Variants in ANHX observed in about 807,000 individuals in gnomAD.
ANHX encodes anomalous homeobox protein.
Under a neutral mutation model 38.9 loss-of-function variants are expected in ANHX, and 20 were observed. The ratio of observed to expected loss-of-function variants is 0.51; its 90% CI spans 0.36 to 0.75. The LOEUF is 0.75. ANHX is among the 30% of genes least tolerant of loss of function. ANHX has a pLI of 0.00. For synonymous variants in ANHX, 185 were observed against 203.1 expected (o/e 0.91, Z 0.76); for missense variants, 475 against 493.1 (o/e 0.96, Z 0.35).
At chr12:133,230,482 G>A (rs547949693) in intron 3 of ANHX, among the ~76,000 whole-genome samples, 138 of 152,222 alleles carry the variant, frequency 9.1e-4, no homozygotes, top group Non-Finnish European at 1.5e-3. Context: ...AATCTTTCAT[G>A]ACTTGGGCTG....
intron 7 of ANHX, among the ~76,000 whole-genome samples, chr12:133,224,945 T>C (rs567284513): frequency 1.7e-3 from 238 of 136,692 alleles, no homozygotes; most frequent in African/African-American, 6.4e-3. Flanking sequence ...CCAGCCTGGG[T>C]GAGCAAGACT....
chr12:133,224,762 A>C (rs146076658), intron 7 of ANHX, among the ~76,000 whole-genome samples: 37 of 150,018 alleles, frequency 2.5e-4, no homozygotes, highest in African/African-American at 8.1e-4. Context: ...TCAGGAGATC[A>C]AGACCATCCT....
chr12:133,227,595 C>T (rs1334571625), intron 4 of ANHX, among the ~76,000 whole-genome samples: 4 of 152,230 alleles, frequency 2.6e-5, no homozygotes, highest in South Asian at 2.1e-4. Flanking sequence ...AGTGAGCAGC[C>T]GTGGGGCCAC....
At chr12:133,224,792 C>A (rs372718310) in intron 7 of ANHX, among the ~76,000 whole-genome samples, 5 of 150,242 alleles carry the variant, frequency 3.3e-5, no homozygotes, top group Admixed American at 6.6e-5. Flanking sequence ...GGTGAAACCC[C>A]GTCTCTACTA....
intron 3 of ANHX, among the ~76,000 whole-genome samples, chr12:133,230,832 T>C (rs151137034): frequency 6.6e-6 from 1 of 152,120 alleles, no homozygotes; most frequent in Non-Finnish European, 1.5e-5. Context: ...CTCTCTCGTG[T>C]GGAACCTCAG....
chr12:133,226,830 G>C (rs1248699616), intron 5 of ANHX, 106 bp downstream of exon 5: 2 of 1,109,310 alleles, frequency 1.8e-6, no homozygotes, highest in Non-Finnish European at 2.5e-6. Flanking sequence ...GGAACCTACT[G>C]ATTGGAGGAG....
intron 2 of ANHX, among the ~76,000 whole-genome samples, chr12:133,232,569 C>T (rs541623188): frequency 2.1e-4 from 32 of 152,254 alleles, no homozygotes; most frequent in African/African-American, 7.5e-4. Flanking sequence ...GCAGGAACAC[C>T]CTGCACAGGC....
intron 9 of ANHX, 22 bp downstream of exon 9, chr12:133,219,261 A>G: frequency 6.6e-7 from 1 of 1,524,102 alleles, no homozygotes. Flanking sequence ...GGAATCCTTC[A>G]GTGCTCATAG....
chr12:133,233,981 G>T, intron 2 of ANHX, 127 bp downstream of exon 2: 1 of 1,243,726 alleles, frequency 8.0e-7, no homozygotes, highest in Non-Finnish European at 1.1e-6. Context: ...CCAAGGCCTG[G>T]GGGTGGGCCT....
At chr12:133,231,408 T>C in intron 3 of ANHX, 109 bp downstream of exon 3, 2 of 1,433,526 alleles carry the variant, frequency 1.4e-6, no homozygotes, top group South Asian at 1.3e-5. Flanking sequence ...ACATTTCCTG[T>C]CCCTATCTCC....
In ANHX at chr12:133,218,884, C is replaced by T. The variant is rs974659301; in HGVS notation, c.*1G>A. On this transcript the variant is annotated 3_prime_UTR_variant, in exon 10 of 10. Coordinates refer to ENST00000545940, the MANE Select transcript of ANHX (RefSeq NM_001372060.1). ...GGTGCTGTCTGGCTCCTGGGGATAG[C>T]TCAGCCCAGGCTGCTCCCTGAAAAC... The T allele has an allele frequency of 2.0e-6, 3 of 1,513,728 alleles. No individual in the cohort carries two copies. The Admixed American group carries it at 6.1e-5, about 31-fold the overall frequency. 93.8% of individuals were successfully genotyped at this position (1,513,728 alleles called of 1,614,324 possible).
chr12:133,220,690 G>T (rs1957097120), intron 8 of ANHX, among the ~76,000 whole-genome samples: 2 of 152,012 alleles, frequency 1.3e-5, no homozygotes. Flanking sequence ...CCCACCAGAG[G>T]ACCCCAGGCC....
chr12:133,234,386 CACAA>C lies in ANHX; in HGVS notation c.-22-12_-22-9del, dbSNP rs774278470. 2.8e-5 allele frequency: 43 copies of C among 1,518,780 alleles called. No homozygotes were observed. The highest frequency in any genetic ancestry group is 1.7e-4 in the Middle Eastern group (1 of 5,946). The allele number at this position is 1,518,780 out of a possible 1,614,324, so 94.1% of individuals were successfully genotyped here. On this transcript the variant is annotated splice_polypyrimidine_tract_variant and intron_variant, in intron 1 of 9. Coordinates refer to ENST00000545940, the MANE Select transcript of ANHX (RefSeq NM_001372060.1). Reference sequence around the variant, plus strand: ...TGCTGGGTCGTGGCCACTCTGCCAACACAAACAGTCACAAGAATGGCCACCACTG... The same window carrying C: ...TGCTGGGTCGTGGCCACTCTGCCAACACAGTCACAAGAATGGCCACCACTG...
In ANHX at chr12:133,224,950, A is replaced by G. The variant is rs531293172; in HGVS notation, c.1132+586T>C. Reference sequence around the variant, plus strand: ...CCACTGCACTCCAGCCTGGGTGAGCAAGACTCCGTCTCAAAAAAAAAAAAA... The same window carrying G: ...CCACTGCACTCCAGCCTGGGTGAGCGAGACTCCGTCTCAAAAAAAAAAAAA... On this transcript the variant is annotated intron_variant, in intron 7 of 9. Transcript: ENST00000545940. Among the ~76,000 whole-genome samples the G allele has an allele frequency of 7.2e-4, 107 of 147,662 alleles. 2 individuals are homozygous for G. Among genetic ancestry groups the G allele is most frequent in the Non-Finnish European group, 4.5e-4 (30 of 66,990 alleles).
intron 9 of ANHX, 85 bp downstream of exon 9, chr12:133,219,198 G>A: frequency 8.0e-7 from 1 of 1,243,050 alleles, no homozygotes; most frequent in Non-Finnish European, 1.1e-6. Flanking sequence ...CACTCCAGTG[G>A]CACTAGCTGA....
chr12:133,229,512 CCT>C (rs1205468184), intron 3 of ANHX, among the ~76,000 whole-genome samples: 3 of 152,100 alleles, frequency 2.0e-5, no homozygotes, highest in Non-Finnish European at 2.9e-5. Flanking sequence ...CTACTTTAGC[CCT>C]CTCTTTACCT....
At chr12:133,226,849 CT>C in intron 5 of ANHX, 86 bp downstream of exon 5, 1 of 1,272,380 alleles carries the variant, frequency 7.9e-7, no homozygotes, top group African/African-American at 1.5e-5. Context: ...AGGGCTACCC[CT>C]GTAAGCAGTG....
At chr12:133,226,212 T>TG in intron 6 of ANHX, 106 bp downstream of exon 6, 1 of 1,506,246 alleles carries the variant, frequency 6.6e-7, no homozygotes, top group Non-Finnish European at 8.9e-7. Context: ...GATCCCAGTG[T>TG]GGGGGTCCTG....
At chr12:133,226,577 CT>C in intron 5 of ANHX, 139 bp from the exon 6 acceptor site, 1 of 1,284,576 alleles carries the variant, frequency 7.8e-7, no homozygotes. Flanking sequence ...CTTGTCCTGT[CT>C]TTGGTGTGAA....
Sources: gnomAD v4.1 joint callset for allele counts (sites outside exome capture counted in the v4.1 genomes callset) on GRCh38, gnomAD v4.1.1 for gene constraint, MANE v1.5 for transcripts, NCBI Gene and HGNC (gene_info 2026-07-23, HGNC 2026-07-21) for gene names.